DNAH7: variants seen among roughly 807,000 people sequenced by gnomAD.
The protein encoded by DNAH7 is axonemal beta dynein heavy chain 7.
In DNAH7, 397 loss-of-function variants were observed where a neutral mutation model predicts 444.6. The ratio of observed to expected loss-of-function variants is 0.89; its 90% CI spans 0.82 to 0.97. DNAH7 has a LOEUF of 0.97. Among genes scored for constraint, DNAH7 ranks in the 50% least tolerant of loss-of-function variants. The pLI, the probability that DNAH7 is intolerant of heterozygous loss-of-function variation, is 0.00. For synonymous variants in DNAH7, 1,636 were observed against 1,624.4 expected, an observed-to-expected ratio of 1.01 and a Z score of -0.17; for missense variants, 4,902 against 4,800.8, an observed-to-expected ratio of 1.02 and a Z score of -0.62.
At chr2:195,906,573 C>T (rs879138429) in intron 27 of DNAH7, 86 bp downstream of exon 27, 40 of 1,344,862 alleles carry the variant, frequency 3.0e-5, no homozygotes, top group Middle Eastern at 2.5e-4. Flanking sequence ...GGATTATAGG[C>T]GTTAGCCACC....
chr2:195,972,180 A>T, intron 16 of DNAH7, 62 bp downstream of exon 16: 1 of 1,357,362 alleles, frequency 7.4e-7, no homozygotes, highest in Non-Finnish European at 1.0e-6. Flanking sequence ...TGACAATGCT[A>T]CATAAAAAGA....
At chr2:195,873,439 G>A (rs1041361146) in intron 39 of DNAH7, 129 bp downstream of exon 39, 10 of 552,856 alleles carry the variant, frequency 1.8e-5, no homozygotes, top group Admixed American at 8.6e-5. Flanking sequence ...AGAGGCAAAC[G>A]ATGTTGTCTG....
intron 19 of DNAH7, among the ~76,000 whole-genome samples, chr2:195,956,835 C>T (rs954993825): frequency 6.6e-6 from 1 of 151,962 alleles, no homozygotes; most frequent in Middle Eastern, 3.2e-3. Flanking sequence ...ATCCTTGCAA[C>T]TCATCTTTTT....
chr2:195,930,071 G>A (rs1688588375), intron 21 of DNAH7, among the ~76,000 whole-genome samples: 1 of 151,620 alleles, frequency 6.6e-6, no homozygotes, highest in African/African-American at 2.4e-5. Flanking sequence ...CAGGCCAGGT[G>A]CGCTGGCTCA....
chr2:195,801,858 G>A (rs1448782843), intron 54 of DNAH7, among the ~76,000 whole-genome samples: 1 of 152,184 alleles, frequency 6.6e-6, no homozygotes, highest in African/African-American at 2.4e-5. Flanking sequence ...AGAGCCAATG[G>A]AGGAATATGT....
intron 64 of DNAH7, among the ~76,000 whole-genome samples, chr2:195,738,456 C>CTGA (rs1283727817): frequency 6.6e-6 from 1 of 151,924 alleles, no homozygotes; most frequent in Non-Finnish European, 1.5e-5. Context: ...AATTGCCACA[C>CTGA]TGATACTGAG....
chr2:195,817,889 T>C, intron 49 of DNAH7, 60 bp from the exon 50 acceptor site: 2 of 1,347,136 alleles, frequency 1.5e-6, no homozygotes, highest in Non-Finnish European at 2.0e-6. Context: ...GTCTCTGCTT[T>C]TATGTGTCAA....
At position 195,960,582 on chromosome 2, in the gene DNAH7, T is replaced by C. The variant is rs1691023196; in HGVS notation, c.2569A>G (p.Met857Val). ...PGLRPRHWEAMSAIVGYPLQP... is the reference protein window; with the variant it reads ...PGLRPRHWEAVSAIVGYPLQP... ...AAAGGGTAACCAACAATGGCAGACA[T>C]GGCCTCCCAGTGCCTGGGGCGCAAA... The change falls in exon 18 of 65, where the codon ATG becomes GTG. Residue 857 changes from methionine (M) to valine (V), a missense_variant. Met to Val is a conservative substitution (Grantham distance 21). Coordinates refer to ENST00000312428, the MANE Select transcript of DNAH7 (RefSeq NM_018897.3). 3.1e-6 allele frequency: 5 copies of C among 1,614,250 alleles called. No individual in the cohort carries two copies. Among genetic ancestry groups the C allele is most frequent in the Non-Finnish European group, 3.4e-6 (4 of 1,180,040 alleles).
intron 12 of DNAH7, chr2:195,995,527 C>A (rs1574976284): frequency 1.3e-5 from 4 of 301,888 alleles, no homozygotes. Flanking sequence ...TAGCTCTAGG[C>A]TTCACTTTGC....
At chr2:195,930,171 C>T (rs1206595607) in intron 21 of DNAH7, among the ~76,000 whole-genome samples, 1 of 152,152 alleles carries the variant, frequency 6.6e-6, no homozygotes, top group East Asian at 1.9e-4. Context: ...GATGAAACCA[C>T]GTCTCTACTA....
At chr2:196,044,833 T>C (rs1360001626) in intron 5 of DNAH7, among the ~76,000 whole-genome samples, 3 of 152,040 alleles carry the variant, frequency 2.0e-5, no homozygotes, top group South Asian at 4.1e-4. Flanking sequence ...TCTGAGAGGT[T>C]GAGGTAGGGG....
intron 31 of DNAH7, among the ~76,000 whole-genome samples, chr2:195,889,850 C>T (rs888800457): frequency 6.6e-6 from 1 of 152,036 alleles, no homozygotes; most frequent in Non-Finnish European, 1.5e-5. Flanking sequence ...TGAACTCTTT[C>T]CTGATGGTAT....
intron 36 of DNAH7, among the ~76,000 whole-genome samples, chr2:195,880,273 A>G (rs1701295421): frequency 6.6e-6 from 1 of 151,990 alleles, no homozygotes; most frequent in African/African-American, 2.4e-5. Flanking sequence ...ATAAGCAAAG[A>G]TAAGAACAAA....
At chr2:195,977,246 A>G (rs1433763915) in intron 15 of DNAH7, among the ~76,000 whole-genome samples, 1 of 152,230 alleles carries the variant, frequency 6.6e-6, no homozygotes, top group Admixed American at 6.5e-5. Flanking sequence ...TTGAAATTCA[A>G]GATAACACCA....
At chr2:196,026,987 A>G (rs1559348327) in intron 6 of DNAH7, 47 bp from the exon 7 acceptor site, 2 of 1,421,164 alleles carry the variant, frequency 1.4e-6, no homozygotes, top group Non-Finnish European at 1.9e-6. Flanking sequence ...CAAAAGAAGT[A>G]TGTTTATCAA....
At chr2:196,015,470 A>T (rs1345013637) in intron 9 of DNAH7, among the ~76,000 whole-genome samples, 3 of 152,090 alleles carry the variant, frequency 2.0e-5, no homozygotes, top group Non-Finnish European at 4.4e-5. Context: ...TTTACATTCA[A>T]CTATGATGAT....
At chr2:195,844,484 T>C (rs1698868910) in intron 47 of DNAH7, among the ~76,000 whole-genome samples, 1 of 151,962 alleles carries the variant, frequency 6.6e-6, no homozygotes, top group Non-Finnish European at 1.5e-5. Flanking sequence ...GCCTTTAATA[T>C]TCTCCCAGCC....
chr2:195,832,506 T>C (rs749445178), intron 48 of DNAH7, among the ~76,000 whole-genome samples: 34 of 151,692 alleles, frequency 2.2e-4, no homozygotes, highest in Non-Finnish European at 4.6e-4. Context: ...GCAGTGGTGT[T>C]ATCATAGCTC....
In DNAH7 at chr2:195,775,969, G is replaced by C; in HGVS notation, c.11079C>G (p.Ile3693Met). The C allele has an allele frequency of 2.5e-6, 4 of 1,614,074 alleles. No homozygotes were observed. The highest frequency in any genetic ancestry group is 1.1e-5 in the South Asian group (1 of 91,082). The change falls in exon 60 of 65, where the codon ATC becomes ATG. Residue 3693 changes from isoleucine (I) to methionine (M), a missense_variant. By Grantham distance (10) the Ile-to-Met change is conservative. Coordinates refer to ENST00000312428, the MANE Select transcript of DNAH7 (RefSeq NM_018897.3). Reference protein sequence around the residue: ...VPPSGDHKSYIEYTKTLPLTP... With the variant: ...VPPSGDHKSYMEYTKTLPLTP... ...TCAGTGGCAGAGTCTTTGTGTATTC[G>C]ATGTAGCTTTTGTGCTGCAGAGATG...
Sources: gnomAD v4.1 joint callset for allele counts (sites outside exome capture counted in the v4.1 genomes callset) on GRCh38, gnomAD v4.1.1 for gene constraint, MANE v1.5 for transcripts, NCBI Gene and HGNC (gene_info 2026-07-23, HGNC 2026-07-21) for gene names.